CTNND1: variants seen among roughly 807,000 people sequenced by gnomAD.
The protein encoded by CTNND1 is catenin delta 1.
In CTNND1, 16 loss-of-function variants were observed where a neutral mutation model predicts 112.1. The observed-to-expected ratio is 0.14, with a 90% confidence interval of 0.10 to 0.22. CTNND1 has a LOEUF of 0.22. CTNND1 is among the 10% of genes least tolerant of loss of function. The pLI is 1.00. For missense variants in CTNND1, 1,008 were observed against 1,257.0 expected (o/e 0.80, Z 3.00); for synonymous variants, 420 against 446.5 (o/e 0.94, Z 0.75).
intron 2 of CTNND1, among the ~76,000 whole-genome samples, chr11:57,790,552 G>GTT (rs150149378): frequency 0.011 from 650 of 60,664 alleles, 41 homozygotes; most frequent in African/African-American, 0.045. Flanking sequence ...CTGTGTGTGT[G>GTT]TTTTTTTTTT....
chr11:57,782,479 C>T (rs893513127), intron 1 of CTNND1, among the ~76,000 whole-genome samples: 2 of 152,080 alleles, frequency 1.3e-5, no homozygotes, highest in East Asian at 1.9e-4. Context: ...CCAGTGCAGA[C>T]GTGGTAGAAG....
chr11:57,795,546 T>C, intron 4 of CTNND1, 31 bp from the exon 5 acceptor site: 1 of 1,591,062 alleles, frequency 6.3e-7, no homozygotes, highest in Non-Finnish European at 8.5e-7. Context: ...CACTTAATAG[T>C]AGTTTCTTCT....
intron 4 of CTNND1, among the ~76,000 whole-genome samples, chr11:57,794,899 A>C (rs538307413): frequency 2.8e-3 from 421 of 151,708 alleles, no homozygotes; most frequent in Middle Eastern, 6.8e-3. Flanking sequence ...AAAAAAAAAA[A>C]CAAAGTTCTT....
Position 57,814,302 on chromosome 11 carries a change from T to G in CTNND1, c.2639-9T>G. 1 of 1,607,720 alleles carries G rather than the reference T, an allele frequency of 6.2e-7. No homozygotes were observed. The highest frequency in any genetic ancestry group is 8.5e-7 in the Non-Finnish European group (1 of 1,175,854). ...TTTTTGACATGGATAACTTTCTGAC[T>G]TCATACAGATAAGAAACCTGATCGG... On this transcript the variant is annotated splice_polypyrimidine_tract_variant and intron_variant, in intron 17 of 20. Transcript: ENST00000399050.
intron 17 of CTNND1, 28 bp downstream of exon 17, chr11:57,811,514 C>T (rs2063353364): frequency 1.3e-6 from 2 of 1,488,750 alleles, no homozygotes; most frequent in South Asian, 2.3e-5. Flanking sequence ...CACACCCTCT[C>T]CTTTTAGCCA....
chr11:57,790,560 T>G (rs1484223378), intron 2 of CTNND1, among the ~76,000 whole-genome samples: 3 of 140,774 alleles, frequency 2.1e-5, no homozygotes, highest in Non-Finnish European at 3.1e-5. Context: ...GTGTTTTTTT[T>G]TTTTTTTTTT....
chr11:57,818,101 G>C lies in CTNND1; in HGVS notation c.*1793G>C, dbSNP rs1453739180. 3 of 151,840 alleles carry C rather than the reference G, an allele frequency of 2.0e-5. No individual in the cohort carries two copies. The highest frequency in any genetic ancestry group is 7.3e-5 in the African/African-American group (3 of 41,156). 9.4% of individuals were successfully genotyped at this position (151,840 alleles called of 1,614,324 possible). A position where few individuals can be genotyped will look rare whatever the true frequency, so the allele number is the denominator to read the frequency against. On this transcript the variant is annotated 3_prime_UTR_variant, in exon 21 of 21. Transcript: ENST00000399050. ...GGCAAAAAGGAGCCTTTTGCTCTCT[G>C]TGACCCTAAGAGCACACTGCACAGG...
intron 3 of CTNND1, 50 bp from the exon 4 acceptor site, chr11:57,793,960 A>G: frequency 6.3e-7 from 1 of 1,579,616 alleles, no homozygotes; most frequent in Middle Eastern, 1.7e-4. Context: ...TATTTGATAG[A>G]GCAAAAGAAG....
chr11:57,778,819 C>T (rs2059279255), intron 1 of CTNND1, among the ~76,000 whole-genome samples: 1 of 152,152 alleles, frequency 6.6e-6, no homozygotes, highest in African/African-American at 2.4e-5. Context: ...TGTGGTTCTC[C>T]TGTGAAATCT....
At chr11:57,793,120 C>T (rs1347801478) in intron 3 of CTNND1, 2 of 152,198 alleles carry the variant, frequency 1.3e-5, no homozygotes, top group African/African-American at 4.8e-5. Flanking sequence ...CACACCCTTC[C>T]TTCTTCCTGA....
At chr11:57,762,241 T>A in intron 1 of CTNND1, 122 bp downstream of exon 1, 1 of 317,110 alleles carries the variant, frequency 3.2e-6, no homozygotes, top group Non-Finnish European at 4.6e-6. Context: ...TTATTATATT[T>A]AAAAAGGTAA....
chr11:57,801,911 T>C lies in CTNND1; in HGVS notation c.1135T>C (p.Leu379=), dbSNP rs765899169. The C allele has an allele frequency of 6.2e-7, 1 of 1,614,016 alleles. No homozygotes were observed. The highest frequency in any genetic ancestry group is 2.2e-5 in the East Asian group (1 of 44,884). Residue 379 remains leucine, a synonymous_variant, in exon 7 of 21, where the codon TTG becomes CTG. Transcript: ENST00000399050. Reference sequence around the variant, plus strand: ...GGTGATCGCCATGCTTGGATTCCGCTTGGATGCTGTCAAGTCCAATGCAGC... The same window carrying C: ...GGTGATCGCCATGCTTGGATTCCGCCTGGATGCTGTCAAGTCCAATGCAGC... ...PEVIAMLGFR[L]DAVKSNAAAY...
intron 18 of CTNND1, 139 bp downstream of exon 18, chr11:57,814,512 A>T: frequency 1.6e-6 from 1 of 628,684 alleles, no homozygotes; most frequent in Non-Finnish European, 2.8e-6. Context: ...TTCCATTTTG[A>T]AGGATGTAAG....
At chr11:57,786,390 C>A (rs995732822) in intron 1 of CTNND1, among the ~76,000 whole-genome samples, 1 of 151,736 alleles carries the variant, frequency 6.6e-6, no homozygotes, top group Non-Finnish European at 1.5e-5. Context: ...AAAATTAGCC[C>A]GGTGTGGTGT....
chr11:57,814,717 A>G (rs1013262340), intron 18 of CTNND1, among the ~76,000 whole-genome samples: 14 of 151,758 alleles, frequency 9.2e-5, no homozygotes, highest in Non-Finnish European at 1.8e-4. Flanking sequence ...TATTCTATCT[A>G]TTCACTCTAT....
At position 57,796,440 on chromosome 11, in the gene CTNND1, T is replaced by G; in HGVS notation, c.421-17T>G. On this transcript the variant is annotated splice_polypyrimidine_tract_variant and intron_variant, in intron 5 of 20. Coordinates refer to ENST00000399050, the MANE Select transcript of CTNND1 (RefSeq NM_001085458.2). ...CTTCCTTAATTAGTTTTTCTTTTTC[T>G]TGTTTCCTACTTGCAGGTCAAGAAA... is the stretch of plus-strand genomic sequence containing the variant. The G allele has an allele frequency of 6.4e-7, 1 of 1,555,728 alleles. No homozygotes were observed. The highest frequency in any genetic ancestry group is 8.7e-7 in the Non-Finnish European group (1 of 1,154,874).
At chr11:57,765,221 T>C (rs1481243562) in intron 1 of CTNND1, among the ~76,000 whole-genome samples, 4 of 152,138 alleles carry the variant, frequency 2.6e-5, no homozygotes, top group Non-Finnish European at 5.9e-5. Flanking sequence ...TATGAGCAGC[T>C]TGGGTGTAGG....
At chr11:57,775,706 C>T (rs1222115766) in intron 1 of CTNND1, among the ~76,000 whole-genome samples, 1 of 151,786 alleles carries the variant, frequency 6.6e-6, no homozygotes, top group Non-Finnish European at 1.5e-5. Flanking sequence ...CCTTCCCTTC[C>T]TCCTTGGTTA....
At chr11:57,763,316 A>G (rs968163267) in intron 1 of CTNND1, among the ~76,000 whole-genome samples, 2 of 152,136 alleles carry the variant, frequency 1.3e-5, no homozygotes, top group South Asian at 2.1e-4. Context: ...ATGCTGTCCT[A>G]ATTGTAACAA....
Sources: gnomAD v4.1 joint callset for allele counts (sites outside exome capture counted in the v4.1 genomes callset) on GRCh38, gnomAD v4.1.1 for gene constraint, MANE v1.5 for transcripts, NCBI Gene and HGNC (gene_info 2026-07-23, HGNC 2026-07-21) for gene names.